Variants in CD109 observed in about 807,000 individuals in gnomAD.
The protein encoded by CD109 is CD109 antigen.
In CD109, 149 loss-of-function variants were observed where a neutral mutation model predicts 165.8. The observed-to-expected ratio is 0.90, with a 90% confidence interval of 0.79 to 1.03. CD109 has a LOEUF of 1.03. CD109 is among the 50% of genes least tolerant of loss of function. CD109 has a pLI of 0.00. For synonymous variants in CD109, 585 were observed against 592.1 expected, an observed-to-expected ratio of 0.99 and a Z score of 0.18; for missense variants, 1,712 against 1,677.8, an observed-to-expected ratio of 1.02 and a Z score of -0.36.
At chr6:73,794,765 C>T (rs545606235) in intron 23 of CD109, among the ~76,000 whole-genome samples, 22 of 152,188 alleles carry the variant, frequency 1.4e-4, no homozygotes, top group African/African-American at 5.3e-4. Flanking sequence ...ACACTATGAC[C>T]GGCCCTGAAA....
At chr6:73,696,902 A>G (rs535699418) in intron 1 of CD109, among the ~76,000 whole-genome samples, 3 of 152,368 alleles carry the variant, frequency 2.0e-5, no homozygotes, top group South Asian at 2.1e-4. Context: ...GTATATTTCA[A>G]TCAATGGTAT....
chr6:73,768,749 T>C (rs1208421079), intron 14 of CD109, among the ~76,000 whole-genome samples: 1 of 152,206 alleles, frequency 6.6e-6, no homozygotes, highest in Non-Finnish European at 1.5e-5. Context: ...AGTGCACCAG[T>C]GCCTTTTATA....
At chr6:73,728,143 A>C (rs1318145111) in intron 3 of CD109, among the ~76,000 whole-genome samples, 2 of 152,154 alleles carry the variant, frequency 1.3e-5, no homozygotes, top group Non-Finnish European at 2.9e-5. Flanking sequence ...CAACATGGTA[A>C]AACCTTTTCT....
At chr6:73,773,777 T>C (rs527922332) in intron 15 of CD109, among the ~76,000 whole-genome samples, 1 of 152,160 alleles carries the variant, frequency 6.6e-6, no homozygotes, top group Non-Finnish European at 1.5e-5. Context: ...TTTCAATCTA[T>C]GCTGTTCTTT....
chr6:73,692,853 C>T (rs192827338), upstream of CD109, among the ~76,000 whole-genome samples: 310 of 152,276 alleles, frequency 2.0e-3, 1 homozygote, highest in African/African-American at 6.4e-3. Flanking sequence ...GCTCCACATT[C>T]GCCTTCCACC....
At chr6:73,730,255 G>A (rs1224498571) in intron 3 of CD109, 89 bp from the exon 4 acceptor site, 8 of 822,762 alleles carry the variant, frequency 9.7e-6, no homozygotes, top group Admixed American at 4.6e-5. Flanking sequence ...ATAATACTGT[G>A]TATTTACTTT....
chr6:73,765,465 G>A (rs1250299591), intron 10 of CD109, among the ~76,000 whole-genome samples: 2 of 152,134 alleles, frequency 1.3e-5, no homozygotes, highest in Non-Finnish European at 2.9e-5. Flanking sequence ...AAGGTGTCCA[G>A]GATATCCAAG....
the CD109 span, among the ~76,000 whole-genome samples, chr6:73,687,938 A>AT: frequency 6.6e-6 from 1 of 152,148 alleles, no homozygotes; most frequent in Non-Finnish European, 1.5e-5. Context: ...TGTTGGTGTG[A>AT]TTTTGAGGTT....
At chr6:73,768,303 T>C in intron 14 of CD109, 72 bp downstream of exon 14, 2 of 949,054 alleles carry the variant, frequency 2.1e-6, no homozygotes, top group Non-Finnish European at 3.2e-6. Flanking sequence ...AATATTTCTT[T>C]AGAAAAGTAT....
intron 5 of CD109, among the ~76,000 whole-genome samples, chr6:73,755,432 G>A (rs1333076397): frequency 6.6e-6 from 1 of 152,122 alleles, no homozygotes; most frequent in Non-Finnish European, 1.5e-5. Flanking sequence ...TTTATATTTT[G>A]AAGTGAACTA....
At chr6:73,684,276 G>A in the CD109 span, among the ~76,000 whole-genome samples, 1 of 149,618 alleles carries the variant, frequency 6.7e-6, no homozygotes, top group Non-Finnish European at 1.5e-5. Flanking sequence ...CTGGAGTGCA[G>A]TGATGCAGTC....
In CD109 at chr6:73,783,829, T is replaced by C; in HGVS notation, c.2223+5T>C. ...CTAACAACTACTCCAGTGGAGGTAT[T>C]GTATTAAAGAGCTGCTTATCAGTAT... On this transcript the variant is annotated splice_donor_5th_base_variant and intron_variant, in intron 19 of 32. Transcript: ENST00000287097. The C allele has an allele frequency of 6.7e-7, 1 of 1,484,974 alleles. No homozygotes were observed. Among genetic ancestry groups the C allele is most frequent in the Non-Finnish European group, 9.4e-7 (1 of 1,068,434 alleles). The allele number at this position is 1,484,974 out of a possible 1,614,324, so 92.0% of individuals were successfully genotyped here.
chr6:73,702,538 T>G (rs1215230983), intron 2 of CD109, among the ~76,000 whole-genome samples: 1 of 152,218 alleles, frequency 6.6e-6, no homozygotes, highest in Non-Finnish European at 1.5e-5. Flanking sequence ...GGGTGTAGGC[T>G]TTTCATTCAC....
At chr6:73,821,149 G>A (rs1776094716) in intron 32 of CD109, among the ~76,000 whole-genome samples, 1 of 152,120 alleles carries the variant, frequency 6.6e-6, no homozygotes, top group Admixed American at 6.5e-5. Context: ...CACATACCAG[G>A]GCCTGTCATG....
At chr6:73,820,272 T>C (rs1776064693) in intron 31 of CD109, among the ~76,000 whole-genome samples, 189 bp from the exon 32 acceptor site, 1 of 152,232 alleles carries the variant, frequency 6.6e-6, no homozygotes. Context: ...ACAATACCTT[T>C]TTGTAAGCAT....
chr6:73,697,554 G>T lies in CD109; in HGVS notation c.229G>T (p.Glu77Ter). ...SNLTVSVLEAEGVFEKGSFKT... is the reference protein window; with the variant it reads ...SNLTVSVLEA The stretch of plus-strand genomic sequence containing the variant: ...CCTCACTGTCTCTGTCCTGGAAGCA[G>T]AAGGAGTCTTTGAAAAAGGTAAGAT... Residue 77 changes from glutamate (E) to a stop codon, truncating the protein, a stop_gained, in exon 2 of 33, where the codon GAA (glutamate) becomes TAA (stop). Coordinates refer to ENST00000287097, the MANE Select transcript of CD109 (RefSeq NM_133493.5). LOFTEE classifies it high-confidence loss of function. 1 of 1,613,726 alleles carries T rather than the reference G, an allele frequency of 6.2e-7. No individual in the cohort carries two copies. The highest frequency in any genetic ancestry group is 8.5e-7 in the Non-Finnish European group (1 of 1,179,742).
rs111586878 is a variant in CD109 at position 73,826,235 on chromosome 6, A to T, written c.*2602A>T. 1.6e-4 allele frequency: 25 copies of T among 152,328 alleles called. No homozygotes were observed. Among genetic ancestry groups the T allele is most frequent in the African/African-American group, 5.3e-4 (22 of 41,584 alleles). 9.4% of individuals were successfully genotyped at this position (152,328 alleles called of 1,614,324 possible). A position where few individuals can be genotyped will look rare whatever the true frequency, so the allele number is the denominator to read the frequency against. Reference sequence around the variant, plus strand: ...TAAGGAGAAAAGGAGTATATGTAGTAGTAATAATTACTAGTATAAATTATT... The same window carrying T: ...TAAGGAGAAAAGGAGTATATGTAGTTGTAATAATTACTAGTATAAATTATT... On this transcript the variant is annotated 3_prime_UTR_variant, in exon 33 of 33. Coordinates refer to ENST00000287097, the MANE Select transcript of CD109 (RefSeq NM_133493.5).
intron 2 of CD109, among the ~76,000 whole-genome samples, chr6:73,715,387 C>T (rs1771697626): frequency 6.6e-6 from 1 of 151,652 alleles, no homozygotes. Flanking sequence ...ACATAATGAG[C>T]CCCCATTTCT....
chr6:73,774,897 G>A (rs1774181324), intron 15 of CD109, among the ~76,000 whole-genome samples: 1 of 151,158 alleles, frequency 6.6e-6, no homozygotes, highest in Admixed American at 6.6e-5. Context: ...AGTTGGTTCT[G>A]GAGGAGGGAG....
Sources: allele counts gnomAD v4.1 joint callset (sites outside exome capture counted in the v4.1 genomes callset), GRCh38; gene constraint gnomAD v4.1.1; transcripts MANE v1.5; gene names NCBI Gene and HGNC (gene_info 2026-07-23, HGNC 2026-07-21).